CELF1: variants seen among roughly 807,000 people sequenced by gnomAD.
CELF1 encodes the protein CUGBP Elav-like family member 1, also known as 50 kDa nuclear polyadenylated RNA-binding protein.
CELF1 carries 10 observed loss-of-function variants against 61.8 expected under a neutral mutation model. The ratio of observed to expected loss-of-function variants is 0.16; its 90% confidence interval spans 0.10 to 0.27. The LOEUF (loss-of-function observed/expected upper bound fraction) is 0.27. CELF1 is among the 10% of genes least tolerant of loss of function. The probability of loss-of-function intolerance (pLI) is 1.00; values close to 1 mark genes in which losing one functional copy is unlikely to be tolerated. For synonymous variants in CELF1, 236 were observed against 225.1 expected (o/e 1.05, Z -0.43); for missense variants, 380 against 639.1 (o/e 0.59, Z 4.37).
At chr11:47,559,123 T>C (rs1216094228) in intron 2 of CELF1, among the ~76,000 whole-genome samples, 7 of 147,180 alleles carry the variant, frequency 4.8e-5, no homozygotes, top group Admixed American at 4.2e-4. Context: ...TGAGACGGAG[T>C]CTTGCTCTGT....
intron 2 of CELF1, among the ~76,000 whole-genome samples, chr11:47,563,613 C>T (rs1470746803): frequency 2.0e-5 from 3 of 151,850 alleles, no homozygotes; most frequent in Non-Finnish European, 4.4e-5. Context: ...TGCTTGAACC[C>T]GGGAGGTGGA....
In CELF1 at chr11:47,473,079, C is replaced by A. The variant is rs763651405; in HGVS notation, c.1417+9G>T. The A allele has an allele frequency of 3.1e-6, 5 of 1,612,792 alleles. No homozygotes were observed. In the South Asian group the frequency reaches 3.3e-5, roughly 11 times the overall value. On this transcript the variant is annotated intron_variant, in intron 14 of 14. Coordinates refer to ENST00000687097, the MANE Select transcript of CELF1 (RefSeq NM_001376376.1). ...ATCCCATCCTGACACCAGAGAGAAG[C>A]CAACATACCAAAACACTTGCTCAGG...
Position 47,487,162 on chromosome 11 carries a change from T to C in CELF1, c.339A>G (p.Pro113=), listed in dbSNP as rs2153464274. 1 of 1,610,310 alleles carries C rather than the reference T, an allele frequency of 6.2e-7. No homozygotes were observed. The highest frequency in any genetic ancestry group is 8.5e-7 in the Non-Finnish European group (1 of 1,178,746). ...QNALHNMKVL[P]GMHHPIQMKP... The stretch of plus-strand genomic sequence containing the variant: ...TTACTAGTGGGAGCTTTCTTACCCC[T>C]GGGAGGACTTTCATGTTGTGAAGAG... Residue 113 remains proline (P), a synonymous_variant, in exon 5 of 15, where the codon CCA becomes CCG. Coordinates refer to ENST00000687097, the MANE Select transcript of CELF1 (RefSeq NM_001376376.1).
chr11:47,466,131 T>C lies in CELF1; in HGVS notation c.*6099A>G, dbSNP rs934873660. The C allele has an allele frequency of 3.5e-5, 5 of 142,970 alleles. No individual in the cohort carries two copies. Among genetic ancestry groups the C allele is most frequent in the Non-Finnish European group, 5.9e-5 (4 of 67,928 alleles). The allele number at this position is 142,970 out of a possible 1,614,324, so 8.9% of individuals were successfully genotyped here. A position where few individuals can be genotyped will look rare whatever the true frequency, so the allele number is the denominator to read the frequency against. ...CTCCCTTGCTCCAAACTTATAACAA[T>C]TTTTTTTTCTTTTTAAATTCACTAC... On this transcript the variant is annotated 3_prime_UTR_variant, in exon 15 of 15. Coordinates refer to ENST00000687097, the MANE Select transcript of CELF1 (RefSeq NM_001376376.1).
At chr11:47,518,401 T>C (rs543883397) in intron 1 of CELF1, among the ~76,000 whole-genome samples, 20 of 152,340 alleles carry the variant, frequency 1.3e-4, no homozygotes, top group African/African-American at 4.6e-4. Flanking sequence ...TGGATTCCAG[T>C]AAAGAAGGCA....
intron 1 of CELF1, among the ~76,000 whole-genome samples, chr11:47,549,694 A>C (rs566623230): frequency 6.6e-6 from 1 of 152,240 alleles, no homozygotes; most frequent in African/African-American, 2.4e-5. Flanking sequence ...CTGTTGTCCA[A>C]CAGGCATAGA....
intron 1 of CELF1, among the ~76,000 whole-genome samples, chr11:47,548,363 T>C (rs1036483464): frequency 6.6e-6 from 1 of 151,920 alleles, no homozygotes; most frequent in African/African-American, 2.4e-5. Flanking sequence ...GAAGAAAATA[T>C]AGAGGAAAAA....
At chr11:47,529,446 C>T (rs565076541) in intron 1 of CELF1, among the ~76,000 whole-genome samples, 4 of 152,096 alleles carry the variant, frequency 2.6e-5, no homozygotes, top group South Asian at 4.1e-4. Context: ...CAGCACGTTG[C>T]GAGGCCGAGG....
In CELF1 at chr11:47,531,202, G is replaced by C. The variant is rs183618571; in HGVS notation, c.-154+21790C>G. ...GTCGATGTTACAGTGAGCTGAGATC[G>C]CACCACTGCACTCCAGCTTGTCACA... On this transcript the variant is annotated intron_variant, in intron 1 of 14. Coordinates refer to ENST00000687097, the MANE Select transcript of CELF1 (RefSeq NM_001376376.1). Among the ~76,000 whole-genome samples the C allele has an allele frequency of 1.5e-4, 23 of 151,912 alleles. No homozygotes were observed. In the East Asian group the frequency reaches 3.7e-3, roughly 24 times the overall value.
At chr11:47,550,082 T>C (rs2153766761) in intron 1 of CELF1, among the ~76,000 whole-genome samples, 1 of 152,118 alleles carries the variant, frequency 6.6e-6, no homozygotes, top group Admixed American at 6.5e-5. Flanking sequence ...CCCAAAGTGC[T>C]GGGATTACAG....
At chr11:47,490,327 T>C (rs985845853) in intron 3 of CELF1, among the ~76,000 whole-genome samples, 1 of 152,054 alleles carries the variant, frequency 6.6e-6, no homozygotes, top group African/African-American at 2.4e-5. Context: ...AAATTCCCAA[T>C]ATCTAGCACT....
At chr11:47,545,925 T>C (rs1050852725) in intron 1 of CELF1, among the ~76,000 whole-genome samples, 27 of 148,844 alleles carry the variant, frequency 1.8e-4, no homozygotes, top group Non-Finnish European at 3.7e-4. Flanking sequence ...ATTTTTTTTT[T>C]TTTGAGATGG....
At chr11:47,480,146 T>C (rs1010304400) in intron 9 of CELF1, among the ~76,000 whole-genome samples, 4 of 150,812 alleles carry the variant, frequency 2.7e-5, no homozygotes, top group East Asian at 3.9e-4. Context: ...TGGAGTACAA[T>C]GGTGATCTCA....
intron 1 of CELF1, among the ~76,000 whole-genome samples, chr11:47,512,183 C>T (rs566998954): frequency 2.1e-4 from 32 of 151,854 alleles, no homozygotes; most frequent in Non-Finnish European, 4.1e-4. Flanking sequence ...GATGGAGTCC[C>T]GCTCTGTTTC....
intron 2 of CELF1, among the ~76,000 whole-genome samples, chr11:47,561,181 A>C (rs1320298134): frequency 2.0e-5 from 3 of 148,348 alleles, no homozygotes; most frequent in African/African-American, 7.5e-5. Context: ...GAGGTGGCTC[A>C]GGCCTGTAAT....
rs1207937423 is a variant in CELF1 at position 47,471,666 on chromosome 11, G to A, written c.*564C>T. The A allele has an allele frequency of 6.6e-6, 1 of 152,242 alleles. No individual in the cohort carries two copies. Among genetic ancestry groups the A allele is most frequent in the Non-Finnish European group, 1.5e-5 (1 of 68,082 alleles). The allele number at this position is 152,242 out of a possible 1,614,324, so 9.4% of individuals were successfully genotyped here. A position where few individuals can be genotyped will look rare whatever the true frequency, so the allele number is the denominator to read the frequency against. On this transcript the variant is annotated 3_prime_UTR_variant, in exon 15 of 15. Coordinates refer to ENST00000687097, the MANE Select transcript of CELF1 (RefSeq NM_001376376.1). ...CCAGAAGGTAGCTGTACAGGAGTTT[G>A]AGTCTCCAGCTGCCAGGGCATTAGG...
Position 47,466,932 on chromosome 11 carries a change from A to G in CELF1, c.*5298T>C, listed in dbSNP as rs895107920. 6.6e-5 allele frequency: 10 copies of G among 152,254 alleles called. No individual in the cohort carries two copies. The highest frequency in any genetic ancestry group is 2.4e-4 in the African/African-American group (10 of 41,428). 9.4% of individuals were successfully genotyped at this position (152,254 alleles called of 1,614,324 possible). On this transcript the variant is annotated 3_prime_UTR_variant, in exon 15 of 15. Transcript: ENST00000687097. ...AATCACCCCTTCCAGGAAATTCAGC[A>G]GCCTACCAGACACTGGGCCTCTGCC...
At chr11:47,490,047 T>A (rs923084291) in intron 3 of CELF1, among the ~76,000 whole-genome samples, 1 of 148,350 alleles carries the variant, frequency 6.7e-6, no homozygotes, top group Non-Finnish European at 1.5e-5. Context: ...CAAGAGATTC[T>A]CCTGCCTCAG....
chr11:47,562,024 C>T (rs1282612944), intron 2 of CELF1, among the ~76,000 whole-genome samples: 2 of 151,412 alleles, frequency 1.3e-5, no homozygotes, highest in Admixed American at 6.6e-5. Context: ...GTCGGGAGTT[C>T]GAGACCAGGC....
Sources: allele counts gnomAD v4.1 joint callset (sites outside exome capture counted in the v4.1 genomes callset), GRCh38; gene constraint gnomAD v4.1.1; transcripts MANE v1.5; gene names NCBI Gene and HGNC (gene_info 2026-07-23, HGNC 2026-07-21).